LRRK1: variants seen among roughly 807,000 people sequenced by gnomAD.
LRRK1 encodes leucine rich repeat kinase 1, also known as leucine-rich repeat serine/threonine-protein kinase 1.
In LRRK1, 113 loss-of-function variants were observed where a neutral mutation model predicts 209.1. That is an observed-to-expected ratio of 0.54 (90% CI 0.46 to 0.63). The LOEUF (loss-of-function observed/expected upper bound fraction) is 0.63. Among genes scored for constraint, LRRK1 ranks in the 30% least tolerant of loss-of-function variants. The pLI, the probability that LRRK1 is intolerant of heterozygous loss-of-function variation, is 0.00. For synonymous variants in LRRK1, 1,144 were observed against 1,099.7 expected (o/e 1.04, Z -0.80); for missense variants, 2,284 against 2,632.2 (o/e 0.87, Z 2.89).
At chr15:100,927,918 G>A (rs538085260) in intron 2 of LRRK1, among the ~76,000 whole-genome samples, 3 of 152,278 alleles carry the variant, frequency 2.0e-5, no homozygotes, top group Admixed American at 6.5e-5. Flanking sequence ...CAATTTTAAC[G>A]CATTGCATGT....
intron 29 of LRRK1, among the ~76,000 whole-genome samples, chr15:101,059,299 G>A (rs901372948): frequency 6.6e-6 from 1 of 152,186 alleles, no homozygotes; most frequent in Non-Finnish European, 1.5e-5. Flanking sequence ...TCAGGAGGCT[G>A]AGGCAGGAGG....
Position 101,053,003 on chromosome 15 carries a change from C to A in LRRK1, c.3771C>A (p.Ile1257=). The part of the protein sequence containing the change: ...VLGQGGSGTV[I]YRARYQGQPV... ...GCCAGGGCGGCAGTGGCACCGTCATCTACCGGGCCCGGTACCAGGGCCAGC... is the reference window on the plus strand; with the variant it reads ...GCCAGGGCGGCAGTGGCACCGTCATATACCGGGCCCGGTACCAGGGCCAGC... The change falls in exon 25 of 34, where the codon ATC becomes ATA. Residue 1257 remains isoleucine (I), a synonymous_variant. Transcript: ENST00000388948. 1.2e-6 allele frequency: 2 copies of A among 1,613,098 alleles called. No homozygotes were observed. Among genetic ancestry groups the A allele is most frequent in the Non-Finnish European group, 1.7e-6 (2 of 1,179,524 alleles).
At chr15:101,044,454 T>G (rs533925638) in intron 20 of LRRK1, among the ~76,000 whole-genome samples, 1 of 152,330 alleles carries the variant, frequency 6.6e-6, no homozygotes, top group South Asian at 2.1e-4. Context: ...TCCTGCCGAC[T>G]CACTGGTCAT....
intron 20 of LRRK1, among the ~76,000 whole-genome samples, chr15:101,032,401 G>A (rs1050545055): frequency 2.0e-5 from 3 of 151,804 alleles, no homozygotes; most frequent in African/African-American, 7.3e-5. Context: ...TTAACATGAG[G>A]TGTATCTCCT....
chr15:101,026,003 G>C lies in LRRK1; in HGVS notation c.2271G>C (p.Thr757=). The change falls in exon 17 of 34, where the codon ACG becomes ACC. Residue 757 remains threonine (T), a synonymous_variant. Coordinates refer to ENST00000388948, the MANE Select transcript of LRRK1 (RefSeq NM_024652.6). ...ACGCCGTGGTGCTGGTGGTCGGGAC[G>C]CACCTGGATTTAATTGAAGCCAAGT... ...APNAVVLVVG[T]HLDLIEAKFR... is the part of the protein sequence containing the mutation. The C allele has an allele frequency of 6.2e-7, 1 of 1,614,204 alleles. No homozygotes were observed. The highest frequency in any genetic ancestry group is 8.5e-7 in the Non-Finnish European group (1 of 1,180,052).
Position 101,075,089 on chromosome 15 carries a change from G to A in LRRK1, c.*6241G>A, listed in dbSNP as rs1216216270. The stretch of plus-strand genomic sequence containing the variant: ...CTGCCAGTAACTCTCACAGTGGAAG[G>A]TAAACCCGTCCCCTTCTTAATCAAT... On this transcript the variant is annotated 3_prime_UTR_variant, in exon 34 of 34. Transcript: ENST00000388948. The A allele has an allele frequency of 6.6e-5, 5 of 75,616 alleles. No individual in the cohort carries two copies. The highest frequency in any genetic ancestry group is 2.3e-4 in the African/African-American group (4 of 17,226). The allele number at this position is 75,616 out of a possible 1,614,324, so 4.7% of individuals were successfully genotyped here.
intron 2 of LRRK1, among the ~76,000 whole-genome samples, chr15:100,935,933 C>T (rs1451875887): frequency 6.6e-6 from 1 of 152,128 alleles, no homozygotes; most frequent in Non-Finnish European, 1.5e-5. Context: ...AGCCTACTGC[C>T]GAATTCTTGG....
rs184113897 is a variant in LRRK1, at chr15:100,973,626, G to C, written c.98-178G>C. Among the ~76,000 whole-genome samples, 1,175 of 152,320 alleles carry C rather than the reference G, an allele frequency of 7.7e-3. 20 individuals are homozygous for C. Among genetic ancestry groups the C allele is most frequent in the African/African-American group, 0.026 (1,086 of 41,580 alleles). On this transcript the variant is annotated intron_variant, in intron 2 of 33. Transcript: ENST00000388948. ...GGTGCCTTCGCAGCGGCCCCGGTTGGGTTGCGGGTCGCGGGGCGGCGAGCG... is the reference window on the plus strand; with the variant it reads ...GGTGCCTTCGCAGCGGCCCCGGTTGCGTTGCGGGTCGCGGGGCGGCGAGCG...
Position 101,055,037 on chromosome 15 carries a change from C to G in LRRK1, c.4146C>G (p.Ile1382Met). 1 of 1,614,160 alleles carries G rather than the reference C, an allele frequency of 6.2e-7. No homozygotes were observed. The highest frequency in any genetic ancestry group is 1.1e-5 in the South Asian group (1 of 91,074). The change falls in exon 27 of 34, where the codon ATC (isoleucine) becomes ATG (methionine). Residue 1382 changes from isoleucine (I) to methionine (M), a missense_variant. This residue lies in a region of LRRK1 where 780 missense variants were observed against 985.2 expected (regional missense o/e 0.79). Transcript: ENST00000388948. ...TGGCCTACCTGCACAAGAAAAACAT[C>G]ATCTTCTGTGACCTGAAGTCGGACA... ...SGLAYLHKKN[I>M]IFCDLKSDNI...
At chr15:100,950,902 G>C (rs534091734) in intron 2 of LRRK1, among the ~76,000 whole-genome samples, 24 of 152,340 alleles carry the variant, frequency 1.6e-4, no homozygotes, top group East Asian at 1.2e-3. Context: ...AGGAGATCGA[G>C]ACCATCCTGG....
At chr15:101,043,669 C>T (rs1018069641) in intron 20 of LRRK1, 1 of 152,122 alleles carries the variant, frequency 6.6e-6, no homozygotes, top group Non-Finnish European at 1.5e-5. Flanking sequence ...CGGCCAGGTC[C>T]TCACCAAGGC....
At chr15:100,953,377 G>GT (rs1290862324) in intron 2 of LRRK1, among the ~76,000 whole-genome samples, 7 of 152,102 alleles carry the variant, frequency 4.6e-5, no homozygotes, top group Non-Finnish European at 8.8e-5. Context: ...AGATCATAGA[G>GT]TATTTGTCTT....
rs370569020 is a variant in LRRK1, at chr15:101,015,287, G to A, written c.1533-39G>A. 2.2e-5 allele frequency: 33 copies of A among 1,494,088 alleles called. No homozygotes were observed. The Admixed American group carries it at 3.4e-4, about 15-fold the overall frequency. 92.6% of individuals were successfully genotyped at this position (1,494,088 alleles called of 1,614,324 possible). ...CACAGCCAAAAGTAATGCTTTTGTC[G>A]TGCTGTCCTCAAATTTTGTCTCTTT... On this transcript the variant is annotated intron_variant, in intron 11 of 33. Coordinates refer to ENST00000388948, the MANE Select transcript of LRRK1 (RefSeq NM_024652.6).
In LRRK1 at chr15:101,028,954, A is replaced by G; in HGVS notation, c.2687-2A>G. 1 of 1,613,298 alleles carries G rather than the reference A, an allele frequency of 6.2e-7. No individual in the cohort carries two copies. Among genetic ancestry groups the G allele is most frequent in the Middle Eastern group, 1.7e-4 (1 of 5,886 alleles). ...GCTTCCTCCTCTCCTTGCCTGGGGCAGCCATCAGCTTCCTCATAGAAACCG... is the reference window on the plus strand; with the variant it reads ...GCTTCCTCCTCTCCTTGCCTGGGGCGGCCATCAGCTTCCTCATAGAAACCG... On this transcript the variant is annotated splice_acceptor_variant, in intron 19 of 33. Coordinates refer to ENST00000388948, the MANE Select transcript of LRRK1 (RefSeq NM_024652.6). LOFTEE classifies it high-confidence loss of function.
intron 26 of LRRK1, among the ~76,000 whole-genome samples, chr15:101,053,651 C>A (rs1371730402): frequency 6.6e-6 from 1 of 152,232 alleles, no homozygotes; most frequent in Non-Finnish European, 1.5e-5. Context: ...CGGCTAAGAC[C>A]AGGCTCTGCC....
intron 20 of LRRK1, among the ~76,000 whole-genome samples, chr15:101,034,249 A>G (rs1384753953): frequency 6.6e-6 from 1 of 152,148 alleles, no homozygotes; most frequent in Non-Finnish European, 1.5e-5. Context: ...TGAAGAAGCC[A>G]TTTAGTTTAA....
chr15:101,039,341 T>A (rs1464778882), intron 20 of LRRK1, among the ~76,000 whole-genome samples: 3 of 152,234 alleles, frequency 2.0e-5, no homozygotes, highest in Non-Finnish European at 4.4e-5. Flanking sequence ...TAAATTTGTG[T>A]CTACATAATT....
intron 2 of LRRK1, among the ~76,000 whole-genome samples, chr15:100,941,224 G>GTGTGTGTGTC (rs1208995979): frequency 6.7e-6 from 1 of 150,198 alleles, no homozygotes; most frequent in Non-Finnish European, 1.5e-5. Flanking sequence ...GTATGTGTCT[G>GTGTGTGTGTC]TGTGTGTGTC....
At position 101,075,774 on chromosome 15, in the gene LRRK1, T is replaced by C. The variant is rs1194692839; in HGVS notation, c.*6926T>C. On this transcript the variant is annotated 3_prime_UTR_variant, in exon 34 of 34. Transcript: ENST00000388948. ...AATACCTCACTCCATAATCCATTATTGTGTTCTGGATCTCAAACATGCTTT... is the reference window on the plus strand; with the variant it reads ...AATACCTCACTCCATAATCCATTATCGTGTTCTGGATCTCAAACATGCTTT... 759 of 147,180 alleles carry C rather than the reference T, an allele frequency of 5.2e-3. No individual in the cohort carries two copies. The highest frequency in any genetic ancestry group is 0.02 in the African/African-American group (728 of 36,760). 9.1% of individuals were successfully genotyped at this position (147,180 alleles called of 1,614,324 possible).
Sources: gnomAD v4.1 joint callset for allele counts (sites outside exome capture counted in the v4.1 genomes callset) on GRCh38, gnomAD v4.1.1 for gene constraint, gnomAD v4.1.1 regional missense constraint, MANE v1.5 for transcripts, NCBI Gene and HGNC (gene_info 2026-07-23, HGNC 2026-07-21) for gene names.